The following DPP8 variants were observed in gnomAD, a reference collection of about 807,000 sequenced individuals.
The protein encoded by DPP8 is dipeptidyl peptidase 8, also known as DPP VIII.
Under a neutral mutation model 107.5 loss-of-function variants are expected in DPP8, and 31 were observed. The observed-to-expected ratio is 0.29, with a 90% CI of 0.22 to 0.39. The LOEUF is 0.39. Ranked by LOEUF, DPP8 falls within the 10% of genes least tolerant of loss-of-function variation. DPP8 has a pLI of 1.00. For missense variants in DPP8, 842 were observed against 1,076.1 expected, an observed-to-expected ratio of 0.78 and a Z score of 3.04; for synonymous variants, 381 against 356.6, an observed-to-expected ratio of 1.07 and a Z score of -0.77.
In DPP8 at chr15:65,463,785, C is replaced by A. The variant is rs1567163386; in HGVS notation, c.1947G>T (p.Val649=). ...CCTGAGGACCACCATATATGAACAG[C>A]ACAGTAGGATATTTCTTTCCAGGCT... is the stretch of plus-strand genomic sequence containing the variant. ...DLQPGKKYPT[V]LFIYGGPQVQ... The change falls in exon 15 of 20, where the codon GTG becomes GTT. Residue 649 remains valine, a synonymous_variant. Transcript: ENST00000300141. 4 of 1,613,068 alleles carry A rather than the reference C, an allele frequency of 2.5e-6. No homozygotes were observed. Among genetic ancestry groups the A allele is most frequent in the Non-Finnish European group, 3.4e-6 (4 of 1,179,262 alleles).
chr15:65,460,470 T>C (rs2140424814), intron 15 of DPP8, among the ~76,000 whole-genome samples: 1 of 140,840 alleles, frequency 7.1e-6, no homozygotes. Context: ...AACAAAGCAC[T>C]CAAACACTCC....
chr15:65,473,370 A>G (rs1356410448), intron 12 of DPP8, among the ~76,000 whole-genome samples: 2 of 151,982 alleles, frequency 1.3e-5, no homozygotes, highest in East Asian at 1.9e-4. Context: ...GAGAAGACAG[A>G]CAGACTAACC....
At chr15:65,512,667 GA>G (rs2070946202) in intron 1 of DPP8, 103 bp from the exon 2 acceptor site, 7 of 1,276,048 alleles carry the variant, frequency 5.5e-6, no homozygotes, top group Admixed American at 2.3e-5. Context: ...GGGAGGGCAA[GA>G]AAAAAATGCT....
At chr15:65,470,130 G>A (rs1394146568) in intron 12 of DPP8, among the ~76,000 whole-genome samples, 2 of 143,846 alleles carry the variant, frequency 1.4e-5, no homozygotes, top group Non-Finnish European at 3.0e-5. Context: ...AGGAGGCGGA[G>A]GTTGCAATGA....
intron 3 of DPP8, among the ~76,000 whole-genome samples, chr15:65,506,329 C>CA (rs898247428): frequency 7.6e-5 from 11 of 144,484 alleles, no homozygotes; most frequent in South Asian, 4.3e-4. Flanking sequence ...AACTCCGTCT[C>CA]AAAAAAAAAT....
Position 65,474,255 on chromosome 15 carries a change from G to A in DPP8, c.1490C>T (p.Ala497Val), listed in dbSNP as rs375523079. ...AACTTCCCATTCACCACTGGTAATTGCTATCTCCTCTTTGATAGGACACTT... is the reference window on the plus strand; with the variant it reads ...AACTTCCCATTCACCACTGGTAATTACTATCTCCTCTTTGATAGGACACTT... ...DFKCPIKEEIAITSGEWEVLG... is the reference protein window; with the variant it reads ...DFKCPIKEEIVITSGEWEVLG... The change falls in exon 12 of 20, where the codon GCA becomes GTA. Residue 497 changes from alanine (A) to valine (V), a missense_variant. Physicochemically the swap from Ala to Val is moderately conservative, Grantham distance 64 (BLOSUM62 0). Transcript: ENST00000300141. 4 of 1,612,278 alleles carry A rather than the reference G, an allele frequency of 2.5e-6. No individual in the cohort carries two copies. In the African/African-American group the frequency reaches 5.3e-5, roughly 21 times the overall value.
At chr15:65,476,542 C>T (rs930943403) in intron 11 of DPP8, among the ~76,000 whole-genome samples, 3 of 152,106 alleles carry the variant, frequency 2.0e-5, no homozygotes, top group African/African-American at 7.2e-5. Context: ...AATTAAAACC[C>T]TGTGCACTGT....
chr15:65,488,194 A>C (rs1005374836), intron 6 of DPP8, among the ~76,000 whole-genome samples: 2 of 152,224 alleles, frequency 1.3e-5, no homozygotes, highest in Non-Finnish European at 2.9e-5. Context: ...AGTTGTTTTG[A>C]ATAGTTTCTG....
At chr15:65,453,126 TTTG>T (rs2064115469) in intron 17 of DPP8, among the ~76,000 whole-genome samples, 1 of 152,178 alleles carries the variant, frequency 6.6e-6, no homozygotes, top group Admixed American at 6.5e-5. Flanking sequence ...TTTCCAAGAG[TTTG>T]TTTACAGAAT....
At chr15:65,460,693 C>T (rs1038286226) in intron 15 of DPP8, among the ~76,000 whole-genome samples, 5 of 152,076 alleles carry the variant, frequency 3.3e-5, no homozygotes, top group African/African-American at 1.2e-4. Flanking sequence ...AATAATATTC[C>T]GTTGTATGTA....
At chr15:65,481,831 C>T (rs1409110431) in intron 8 of DPP8, among the ~76,000 whole-genome samples, 1 of 152,034 alleles carries the variant, frequency 6.6e-6, no homozygotes, top group Non-Finnish European at 1.5e-5. Flanking sequence ...GCACTTTTAA[C>T]ACAGCCTAAA....
At chr15:65,466,853 G>T in intron 13 of DPP8, 40 bp from the exon 14 acceptor site, 1 of 1,594,454 alleles carries the variant, frequency 6.3e-7, no homozygotes, top group Non-Finnish European at 8.6e-7. Context: ...CGTCAGGAAG[G>T]TAGAAAAGGT....
intron 15 of DPP8, among the ~76,000 whole-genome samples, chr15:65,462,998 G>A (rs1013818732): frequency 6.6e-6 from 1 of 152,160 alleles, no homozygotes; most frequent in African/African-American, 2.4e-5. Context: ...TATAGCAGTT[G>A]CCTTAACTAG....
chr15:65,448,851 A>G (rs2063700429), intron 19 of DPP8, among the ~76,000 whole-genome samples: 1 of 118,052 alleles, frequency 8.5e-6, no homozygotes, highest in Non-Finnish European at 1.8e-5. Flanking sequence ...TATAAAATAT[A>G]CATATATATC....
At chr15:65,470,514 G>A (rs2140547922) in intron 12 of DPP8, among the ~76,000 whole-genome samples, 1 of 150,488 alleles carries the variant, frequency 6.6e-6, no homozygotes, top group African/African-American at 2.4e-5. Flanking sequence ...GCTGAGGCAG[G>A]AGAATTGCTT....
intron 2 of DPP8, among the ~76,000 whole-genome samples, chr15:65,511,420 C>T (rs1053166880): frequency 2.0e-5 from 3 of 151,090 alleles, no homozygotes; most frequent in African/African-American, 4.9e-5. Context: ...TGGAATGTTA[C>T]GAAGTTTTTA....
intron 16 of DPP8, among the ~76,000 whole-genome samples, chr15:65,455,075 G>A (rs2064296697): frequency 6.6e-6 from 1 of 152,106 alleles, no homozygotes; most frequent in African/African-American, 2.4e-5. Context: ...CTTGTAACAA[G>A]CCTTCCTATA....
chr15:65,462,198 A>AC (rs1286680853), intron 15 of DPP8, among the ~76,000 whole-genome samples: 3 of 150,058 alleles, frequency 2.0e-5, no homozygotes, highest in Admixed American at 1.3e-4. Context: ...TGAACTCCTG[A>AC]CCTCAGGTGA....
rs1057243330 is a variant in DPP8, at chr15:65,443,726, C to T, written c.*3158G>A. 7.9e-5 allele frequency: 12 copies of T among 152,142 alleles called. No individual in the cohort carries two copies. Among genetic ancestry groups the T allele is most frequent in the African/African-American group, 2.9e-4 (12 of 41,434 alleles). The allele number at this position is 152,142 out of a possible 1,614,324, so 9.4% of individuals were successfully genotyped here. On this transcript the variant is annotated 3_prime_UTR_variant, in exon 20 of 20. Coordinates refer to ENST00000300141, the MANE Select transcript of DPP8 (RefSeq NM_130434.5). ...CCAAATAGTTACCACAGATGAGCAG[C>T]TTCATGGACTACTGTTTAGGTTCTT...
Sources: allele counts gnomAD v4.1 joint callset (sites outside exome capture counted in the v4.1 genomes callset), GRCh38; gene constraint gnomAD v4.1.1; transcripts MANE v1.5; gene names NCBI Gene and HGNC (gene_info 2026-07-23, HGNC 2026-07-21).